Variants in CDKN2B-AS1 observed in about 807,000 individuals in gnomAD.
CDKN2B-AS1 encodes the protein CDKN2B antisense RNA 1 (non-protein coding).
chr9:22,005,167 T>A lies in CDKN2B-AS1; in HGVS notation n.29+10006T>A. 4.3e-6 allele frequency: 1 copy of A among 233,052 alleles called. No individual in the cohort carries two copies. Among genetic ancestry groups the A allele is most frequent in the Non-Finnish European group, 8.5e-6 (1 of 118,156 alleles). 14.4% of individuals were successfully genotyped at this position (233,052 alleles called of 1,614,324 possible). On this transcript the variant is annotated intron_variant and non_coding_transcript_variant, in intron 1 of 4. Transcript: ENST00000650946. The surrounding 1 kb of genome is among the most constrained non-coding windows in gnomAD (Gnocchi z 4.9). ...GAAAGAAAACGTTACAGTTAACCGT[T>A]ACAATTGCTCTCACTCCACTCCACC... is the stretch of plus-strand genomic sequence containing the variant.
At chr9:22,061,975 A>T (rs1823841132) in intron 4 of CDKN2B-AS1, 1 of 152,224 alleles carries the variant, frequency 6.6e-6, no homozygotes, top group South Asian at 2.1e-4. Context: ...CATAATTTAA[A>T]CAGAAGCCTA....
intron 1 of CDKN2B-AS1, among the ~76,000 whole-genome samples, chr9:22,037,336 G>T (rs1822727548): frequency 6.6e-6 from 1 of 152,074 alleles, no homozygotes; most frequent in African/African-American, 2.4e-5. Flanking sequence ...ATCCTCTGTA[G>T]TTTCCCAGTG....
intron 2 of CDKN2B-AS1, among the ~76,000 whole-genome samples, chr9:22,047,536 T>C (rs937989465): frequency 6.6e-6 from 1 of 152,180 alleles, no homozygotes; most frequent in Admixed American, 6.5e-5. Flanking sequence ...GAGTAATCTA[T>C]AACATTATAG....
intron 4 of CDKN2B-AS1, among the ~76,000 whole-genome samples, chr9:22,121,708 G>C (rs965087479): frequency 3.3e-5 from 5 of 152,038 alleles, no homozygotes; most frequent in African/African-American, 1.2e-4. Context: ...TGTCCTCCAA[G>C]AGCATCCATC....
At chr9:22,124,767 G>T (rs1817991104) in intron 4 of CDKN2B-AS1, among the ~76,000 whole-genome samples, 1 of 152,214 alleles carries the variant, frequency 6.6e-6, no homozygotes, top group South Asian at 2.1e-4. Context: ...GTTAGAATGT[G>T]ATACCATTGT....
At chr9:22,036,157 A>T (rs1470057057) in intron 1 of CDKN2B-AS1, among the ~76,000 whole-genome samples, 1 of 152,164 alleles carries the variant, frequency 6.6e-6, no homozygotes, top group Admixed American at 6.6e-5. Context: ...AATCCATTTA[A>T]TAATAAAACG....
chr9:22,127,332 C>T (rs1042493803), exon 5 of CDKN2B-AS1, among the ~76,000 whole-genome samples: 1 of 151,858 alleles, frequency 6.6e-6, no homozygotes, highest in Non-Finnish European at 1.5e-5. Flanking sequence ...CACCTGCCTT[C>T]GCCTCCCAAA....
intron 4 of CDKN2B-AS1, among the ~76,000 whole-genome samples, chr9:22,125,153 A>G (rs1817997195): frequency 1.3e-5 from 2 of 152,246 alleles, no homozygotes; most frequent in African/African-American, 2.4e-5. Context: ...TATTTGTTAG[A>G]TGACTTGGCT....
At chr9:22,087,159 G>A (rs1253531214) in intron 4 of CDKN2B-AS1, among the ~76,000 whole-genome samples, 1 of 152,192 alleles carries the variant, frequency 6.6e-6, no homozygotes, top group African/African-American at 2.4e-5. Context: ...GAGAAGAGGT[G>A]CAACTTTGCT....
intron 1 of CDKN2B-AS1, chr9:22,012,018 C>T (rs1821529865): frequency 1.9e-6 from 1 of 518,288 alleles, no homozygotes; most frequent in South Asian, 2.3e-5. Context: ...CAATGTTGCA[C>T]ATAACTCAGA....
At chr9:22,110,256 C>T (rs1424500232) in intron 4 of CDKN2B-AS1, among the ~76,000 whole-genome samples, 1 of 152,088 alleles carries the variant, frequency 6.6e-6, no homozygotes, top group Admixed American at 6.6e-5. Context: ...TCATATTTGT[C>T]AGTATGAACA....
At chr9:22,036,135 T>C (rs1395304217) in intron 1 of CDKN2B-AS1, among the ~76,000 whole-genome samples, 1 of 152,254 alleles carries the variant, frequency 6.6e-6, no homozygotes, top group East Asian at 1.9e-4. Context: ...CTTAGGCTGA[T>C]ACAGGGCAGG....
At position 22,041,891 on chromosome 9, in the gene CDKN2B-AS1, A is replaced by G. The variant is rs77851341; in HGVS notation, n.30-4860A>G. ...TTGTATTTATGGGTAGCTAAAGTTC[A>G]TATTTCTCAACATACCATAATCTCT... On this transcript the variant is annotated intron_variant and non_coding_transcript_variant, in intron 1 of 4. Coordinates refer to ENST00000650946, the Ensembl canonical transcript of CDKN2B-AS1. Among the ~76,000 whole-genome samples, 355 of 152,168 alleles carry G rather than the reference A, an allele frequency of 2.3e-3. 1 individual carries two copies. The highest frequency in any genetic ancestry group is 8.4e-3 in the African/African-American group (348 of 41,536).
At chr9:22,107,364 C>T (rs1825687678) in intron 4 of CDKN2B-AS1, among the ~76,000 whole-genome samples, 1 of 152,084 alleles carries the variant, frequency 6.6e-6, no homozygotes, top group South Asian at 2.1e-4. Flanking sequence ...AGAAAACAAC[C>T]CCAGGGTGTC....
intron 3 of CDKN2B-AS1, among the ~76,000 whole-genome samples, chr9:22,049,738 A>G (rs978932057): frequency 6.6e-6 from 1 of 152,238 alleles, no homozygotes; most frequent in African/African-American, 2.4e-5. Context: ...AAATTTGTTT[A>G]TACACTTAAG....
chr9:22,105,036 A>C (rs985751189), intron 4 of CDKN2B-AS1, among the ~76,000 whole-genome samples: 2 of 152,196 alleles, frequency 1.3e-5, no homozygotes, highest in African/African-American at 4.8e-5. Flanking sequence ...ACTCAGCCTT[A>C]GGTATTCTGA....
At chr9:22,054,668 CT>C (rs1267869467) in intron 3 of CDKN2B-AS1, among the ~76,000 whole-genome samples, 2 of 148,608 alleles carry the variant, frequency 1.3e-5, no homozygotes, top group African/African-American at 4.9e-5. Flanking sequence ...GTTCTTTCAG[CT>C]TTTTTTATTT....
intron 4 of CDKN2B-AS1, among the ~76,000 whole-genome samples, chr9:22,123,909 A>G (rs1360976347): frequency 6.6e-6 from 1 of 152,206 alleles, no homozygotes; most frequent in Non-Finnish European, 1.5e-5. Flanking sequence ...TTCTCTATAG[A>G]TAGATGTGTA....
chr9:22,103,130 G>GGTGTGTGT (rs1169941897), intron 4 of CDKN2B-AS1, among the ~76,000 whole-genome samples: 2 of 88,480 alleles, frequency 2.3e-5, no homozygotes, highest in African/African-American at 4.1e-5. Context: ...TTCTAGAACA[G>GGTGTGTGT]ATGTGTGTGT....
Sources: allele counts gnomAD v4.1 joint callset (sites outside exome capture counted in the v4.1 genomes callset), GRCh38; gene constraint gnomAD v4.1.1; non-coding constraint Gnocchi (gnomAD v3.1); transcripts MANE v1.5; gene names NCBI Gene and HGNC (gene_info 2026-07-23, HGNC 2026-07-21).